APOL2: variants seen among roughly 807,000 people sequenced by gnomAD.
APOL2 encodes the protein apolipoprotein L2, also known as apolipoprotein L, 2.
A neutral mutation model predicts 7.1 loss-of-function variants in APOL2; 8 were observed. The ratio of observed to expected loss-of-function variants is 1.12; its 90% CI spans 0.66 to 2.03. APOL2 has a LOEUF of 2.03. APOL2 is among the 30% of genes most tolerant of loss of function. The pLI, the probability that APOL2 is intolerant of heterozygous loss-of-function variation, is 0.00. For missense variants in APOL2, 471 were observed against 415.1 expected (o/e 1.13, Z -1.17); for synonymous variants, 177 against 159.9 (o/e 1.11, Z -0.81).
intron 3 of APOL2, among the ~76,000 whole-genome samples, chr22:36,232,696 G>T (rs369032744): frequency 6.6e-6 from 1 of 152,148 alleles, no homozygotes; most frequent in Non-Finnish European, 1.5e-5. Context: ...CAGAACAGAG[G>T]GGCTGGTGCA....
rs147239772 is a variant in APOL2, at chr22:36,235,995, G to A, written c.-133-2540C>T. Among the ~76,000 whole-genome samples the A allele has an allele frequency of 4.7e-3, 717 of 152,084 alleles. 6 individuals are homozygous for A. Among genetic ancestry groups the A allele is most frequent in the Middle Eastern group, 0.017 (5 of 294 alleles). On this transcript the variant is annotated intron_variant, in intron 1 of 4. Transcript: ENST00000358502. ...AGGGACTCAATAGAATACCTCAAAG[G>A]ATTCACAGTTTGAGAGAAACTGAGG... is the stretch of plus-strand genomic sequence containing the variant.
intron 4 of APOL2, among the ~76,000 whole-genome samples, chr22:36,230,593 C>T (rs1040224740): frequency 9.2e-5 from 14 of 152,306 alleles, no homozygotes; most frequent in African/African-American, 3.4e-4. Flanking sequence ...TGGTCCCGGT[C>T]TCTCTGGGCC....
chr22:36,232,660 G>A (rs1376364204), intron 3 of APOL2, among the ~76,000 whole-genome samples: 1 of 152,186 alleles, frequency 6.6e-6, no homozygotes, highest in South Asian at 2.1e-4. Context: ...GCTGGGTCAA[G>A]CATGATACAT....
intron 4 of APOL2, among the ~76,000 whole-genome samples, chr22:36,229,096 A>C (rs1349486015): frequency 6.6e-6 from 1 of 152,180 alleles, no homozygotes; most frequent in East Asian, 1.9e-4. Context: ...TGGCTCAGCA[A>C]GAATCTCCCC....
rs2015290235 is a variant in APOL2 at position 36,233,235 on chromosome 22, C to T, written c.-73G>A. 2 of 1,613,954 alleles carry T rather than the reference C, an allele frequency of 1.2e-6. No individual in the cohort carries two copies. Among genetic ancestry groups the T allele is most frequent in the Admixed American group, 1.7e-5 (1 of 59,994 alleles). On this transcript the variant is annotated 5_prime_UTR_variant, in exon 3 of 5. Coordinates refer to ENST00000358502, the MANE Select transcript of APOL2 (RefSeq NM_030882.4). The stretch of plus-strand genomic sequence containing the variant: ...TCACTGTCCAGACTGGAAGGTTTTC[C>T]TTAACCCTTGAGAACGAGAAAACAA...
Position 36,239,519 on chromosome 22 carries a change from CT to C in APOL2, c.-213del, listed in dbSNP as rs2146987093. On this transcript the variant is annotated 5_prime_UTR_variant, in exon 1 of 5. Coordinates refer to ENST00000358502, the MANE Select transcript of APOL2 (RefSeq NM_030882.4). Reference sequence around the variant, plus strand: ...GTGGATCCCACGTCCAGCTGTGCATCTGTGTAATAACCAGACACGTCCTCCG... The same window carrying C: ...GTGGATCCCACGTCCAGCTGTGCATCGTGTAATAACCAGACACGTCCTCCG... 6.3e-7 allele frequency: 1 copy of C among 1,586,248 alleles called. No homozygotes were observed. Among genetic ancestry groups the C allele is most frequent in the East Asian group, 2.3e-5 (1 of 44,306 alleles).
intron 1 of APOL2, among the ~76,000 whole-genome samples, chr22:36,235,598 A>G (rs765358456): frequency 7.9e-5 from 12 of 152,224 alleles, no homozygotes; most frequent in Non-Finnish European, 1.5e-5. Flanking sequence ...ACCATGTGAA[A>G]GAAAGTCACG....
At chr22:36,232,076 G>A (rs1248339295) in intron 3 of APOL2, among the ~76,000 whole-genome samples, 1 of 152,214 alleles carries the variant, frequency 6.6e-6, no homozygotes, top group African/African-American at 2.4e-5. Context: ...CAGCACCAAT[G>A]TGACCAGGAA....
chr22:36,232,225 TG>T (rs2015247843), intron 3 of APOL2, among the ~76,000 whole-genome samples: 1 of 152,282 alleles, frequency 6.6e-6, no homozygotes, highest in Admixed American at 6.5e-5. Context: ...TCTTCCAGTT[TG>T]GTTTTCTCAA....
intron 1 of APOL2, among the ~76,000 whole-genome samples, chr22:36,237,518 T>C (rs916263): frequency 0.77 from 117,376 of 152,164 alleles, 47,143 homozygotes; most frequent in African/African-American, 0.94. Flanking sequence ...AAGTGATCCT[T>C]CTGCCTCAGC....
At chr22:36,235,915 C>T (rs1198791773) in intron 1 of APOL2, among the ~76,000 whole-genome samples, 1 of 151,878 alleles carries the variant, frequency 6.6e-6, no homozygotes, top group Non-Finnish European at 1.5e-5. Context: ...ATGCAGTAGG[C>T]CTACAAAACG....
At chr22:36,239,655 C>T (rs568799747), upstream of APOL2, 6 of 669,634 alleles carry the variant, frequency 9.0e-6, no homozygotes, top group Middle Eastern at 2.4e-4. Flanking sequence ...ACCTGCAGTC[C>T]AGGCCCAGCC....
chr22:36,228,379 C>T (rs1361128107), intron 4 of APOL2, 99 bp from the exon 5 acceptor site: 6 of 1,458,258 alleles, frequency 4.1e-6, no homozygotes, highest in Non-Finnish European at 5.5e-6. Flanking sequence ...AGAGCTTTCA[C>T]TATCAATCAA....
At chr22:36,237,828 C>T (rs886562191) in intron 1 of APOL2, among the ~76,000 whole-genome samples, 1 of 152,196 alleles carries the variant, frequency 6.6e-6, no homozygotes, top group Admixed American at 6.5e-5. Flanking sequence ...CCACAGTCAC[C>T]TTAGGTCCAG....
chr22:36,231,511 G>A (rs1453814443), intron 3 of APOL2, 45 bp from the exon 4 acceptor site: 1 of 1,596,090 alleles, frequency 6.3e-7, no homozygotes, highest in Non-Finnish European at 8.6e-7. Context: ...TAGTGTAGGG[G>A]AGCATAACAG....
At chr22:36,235,424 T>C (rs956338779) in intron 1 of APOL2, among the ~76,000 whole-genome samples, 3 of 152,096 alleles carry the variant, frequency 2.0e-5, no homozygotes, top group Non-Finnish European at 4.4e-5. Flanking sequence ...AACAAACAAG[T>C]AATTTTTTAA....
chr22:36,231,423 G>T lies in APOL2; in HGVS notation c.54C>A (p.Asp18Glu), dbSNP rs372421415. 7.4e-5 allele frequency: 119 copies of T among 1,614,004 alleles called. No individual in the cohort carries two copies. Among genetic ancestry groups the T allele is most frequent in the Non-Finnish European group, 9.5e-5 (112 of 1,179,974 alleles). Residue 18 changes from aspartate to glutamate, a missense_variant, in exon 4 of 5, where the codon GAC (aspartate) becomes GAA (glutamate). Transcript: ENST00000358502. ...GTAGCAGATTCTCTCTGCTCACTTGGTCCTGGAAATACTTAAGGTAATCCT... is the reference window on the plus strand; with the variant it reads ...GTAGCAGATTCTCTCTGCTCACTTGTTCCTGGAAATACTTAAGGTAATCCT... ...FIEDYLKYFQ[D>E]QVSRENLLQL...
intron 1 of APOL2, among the ~76,000 whole-genome samples, chr22:36,235,742 AGGGT>A (rs58628004): frequency 0.094 from 10,464 of 111,460 alleles, 1,317 homozygotes; most frequent in African/African-American, 0.3. Flanking sequence ...GGAGGAAGAA[AGGGT>A]GGGTGGGTGG....
At chr22:36,235,752 G>GTGTGTGTGTGTGT (rs1569532873) in intron 1 of APOL2, among the ~76,000 whole-genome samples, 1 of 111,532 alleles carries the variant, frequency 9.0e-6, no homozygotes, top group Non-Finnish European at 1.9e-5. Context: ...AGGGTGGGTG[G>GTGTGTGTGTGTGT]GTGGGTGTGT....
Sources: allele counts gnomAD v4.1 joint callset (sites outside exome capture counted in the v4.1 genomes callset), GRCh38; gene constraint gnomAD v4.1.1; transcripts MANE v1.5; gene names NCBI Gene and HGNC (gene_info 2026-07-23, HGNC 2026-07-21).